Variants in TENM3 observed in about 807,000 individuals in gnomAD.
TENM3 encodes the protein teneurin-3.
A neutral mutation model predicts 255.1 loss-of-function variants in TENM3; 63 were observed. The observed-to-expected ratio is 0.25, with a 90% confidence interval of 0.20 to 0.30. The LOEUF is 0.30. Ranked by LOEUF, TENM3 falls within the 10% of genes least tolerant of loss-of-function variation. The pLI is 1.00. For synonymous variants in TENM3, 1,306 were observed against 1,322.3 expected (o/e 0.99, Z 0.27); for missense variants, 2,929 against 3,461.1 (o/e 0.85, Z 3.86).
the TENM3 span, among the ~76,000 whole-genome samples, chr4:181,461,286 CTCTG>C: frequency 6.6e-6 from 1 of 151,696 alleles, no homozygotes; most frequent in African/African-American, 2.4e-5. Context: ...TGTTTTTTTC[CTCTG>C]TCTGCTTTTA....
At chr4:181,704,723 G>T in the TENM3 span, among the ~76,000 whole-genome samples, 1 of 152,008 alleles carries the variant, frequency 6.6e-6, no homozygotes, top group Non-Finnish European at 1.5e-5. Flanking sequence ...CTAGGTGATG[G>T]GATTTTAGTG....
chr4:182,054,846 G>A, the TENM3 span, among the ~76,000 whole-genome samples: 2 of 152,112 alleles, frequency 1.3e-5, no homozygotes, highest in African/African-American at 4.8e-5. Context: ...ATTTTACTTA[G>A]AAGGAGAGGT....
the TENM3 span, among the ~76,000 whole-genome samples, chr4:181,489,363 T>C: frequency 1.3e-5 from 2 of 152,178 alleles, no homozygotes; most frequent in Non-Finnish European, 2.9e-5. Context: ...CTTTTAAAAG[T>C]ACGATTGTAT....
intron 17 of TENM3, among the ~76,000 whole-genome samples, chr4:182,737,932 C>A (rs1388681017): frequency 6.6e-6 from 1 of 152,138 alleles, no homozygotes; most frequent in African/African-American, 2.4e-5. Context: ...AATATGTCAG[C>A]ATAATGTCAT....
At chr4:181,702,547 T>C in the TENM3 span, among the ~76,000 whole-genome samples, 36 of 152,332 alleles carry the variant, frequency 2.4e-4, no homozygotes, top group South Asian at 7.1e-3. Context: ...TATACAGATT[T>C]CTTTTTTGTA....
chr4:182,040,823 T>C, the TENM3 span, among the ~76,000 whole-genome samples: 1 of 152,188 alleles, frequency 6.6e-6, no homozygotes, highest in African/African-American at 2.4e-5. Flanking sequence ...GTTGTTGTTG[T>C]TTGTGTGTTC....
intron 2 of TENM3, among the ~76,000 whole-genome samples, chr4:182,337,349 A>G (rs916980813): frequency 6.6e-6 from 1 of 152,226 alleles, no homozygotes; most frequent in African/African-American, 2.4e-5. Context: ...AATCAACAAC[A>G]AAAGATAAAT....
the TENM3 span, among the ~76,000 whole-genome samples, chr4:182,060,167 T>G: frequency 6.6e-6 from 1 of 151,944 alleles, no homozygotes; most frequent in Admixed American, 6.6e-5. Flanking sequence ...AGTCCAGGAG[T>G]TTGAGGTTAC....
the TENM3 span, among the ~76,000 whole-genome samples, chr4:181,880,918 GTTC>G: frequency 6.6e-6 from 1 of 152,108 alleles, no homozygotes; most frequent in South Asian, 2.1e-4. Context: ...GGTCAGATCA[GTTC>G]TTCTGTTCCT....
At chr4:182,440,568 T>C (rs952578484) in intron 3 of TENM3, among the ~76,000 whole-genome samples, 1 of 152,140 alleles carries the variant, frequency 6.6e-6, no homozygotes, top group Non-Finnish European at 1.5e-5. Flanking sequence ...GGTTCTCAGC[T>C]ACCTCCACCC....
At chr4:182,447,966 T>A (rs956440992) in intron 3 of TENM3, among the ~76,000 whole-genome samples, 2 of 152,222 alleles carry the variant, frequency 1.3e-5, no homozygotes, top group Non-Finnish European at 1.5e-5. Context: ...CACAATTTTT[T>A]ATAAAAATTT....
At chr4:182,487,868 G>A (rs1216436836) in intron 3 of TENM3, among the ~76,000 whole-genome samples, 1 of 152,138 alleles carries the variant, frequency 6.6e-6, no homozygotes, top group Non-Finnish European at 1.5e-5. Flanking sequence ...TAAATGCAGT[G>A]AAGCAGTTTT....
rs11348241 is a variant in TENM3, at chr4:182,719,252, C to CTTTTTTT, written c.2368+5040_2368+5046dup. On this transcript the variant is annotated intron_variant, in intron 13 of 27. Coordinates refer to ENST00000511685, the MANE Select transcript of TENM3 (RefSeq NM_001080477.4). The stretch of plus-strand genomic sequence containing the variant: ...AGTAAAATAGAGTTCTTTTTTTTTT[C>CTTTTTTT]TTTTTTTTTTTTTTTTTTTTTTTTT... 1.2e-3 allele frequency among the ~76,000 whole-genome samples: 97 copies of CTTTTTTT among 80,878 alleles called. 3 individuals carry two copies. Among genetic ancestry groups the CTTTTTTT allele is most frequent in the African/African-American group, 2.0e-3 (38 of 18,944 alleles). 53.1% of individuals were successfully genotyped at this position (80,878 alleles called of 152,430 possible).
chr4:181,473,023 C>T, the TENM3 span, among the ~76,000 whole-genome samples: 1 of 152,160 alleles, frequency 6.6e-6, no homozygotes, highest in East Asian at 1.9e-4. Flanking sequence ...GTAATTGAGG[C>T]ACTTCCATCA....
chr4:182,100,820 CACATAT>C, the TENM3 span, among the ~76,000 whole-genome samples: 5 of 10,176 alleles, frequency 4.9e-4, 1 homozygote, highest in Non-Finnish European at 2.1e-3. Context: ...CATATATATA[CACATAT>C]ATATATATAT....
chr4:182,350,678 TTTTTG>T (rs1030319520), intron 3 of TENM3, among the ~76,000 whole-genome samples: 6 of 152,032 alleles, frequency 3.9e-5, no homozygotes, highest in Non-Finnish European at 5.9e-5. Context: ...TCCAATGTGG[TTTTTG>T]TTTTGTTTTG....
At chr4:182,319,540 T>A (rs61664810) in intron 1 of TENM3, among the ~76,000 whole-genome samples, 2,793 of 152,338 alleles carry the variant, frequency 0.018, 75 homozygotes, top group African/African-American at 0.063. Flanking sequence ...TACATCTTGA[T>A]GTATTGTGGC....
At chr4:182,751,683 T>A in intron 19 of TENM3, 117 bp from the exon 20 acceptor site, 2 of 726,550 alleles carry the variant, frequency 2.8e-6, no homozygotes, top group Non-Finnish European at 4.8e-6. Flanking sequence ...GTCTAATCTT[T>A]GATCATGGAT....
At chr4:182,362,786 G>C (rs948376381) in intron 3 of TENM3, among the ~76,000 whole-genome samples, 5 of 152,186 alleles carry the variant, frequency 3.3e-5, no homozygotes, top group African/African-American at 1.2e-4. Flanking sequence ...ACCTCAGATG[G>C]AAATGCAGAA....
Sources: allele counts gnomAD v4.1 joint callset (sites outside exome capture counted in the v4.1 genomes callset), GRCh38; gene constraint gnomAD v4.1.1; transcripts MANE v1.5; gene names NCBI Gene and HGNC (gene_info 2026-07-23, HGNC 2026-07-21).